CPHXL2: variants seen among roughly 807,000 people sequenced by gnomAD.
CPHXL2 encodes cytoplasmic polyadenylated homeobox like 2.
chr16:75,660,555 C>G, the CPHXL2 span: 2,526 of 398,562 alleles, frequency 6.3e-3, 67 homozygotes, highest in African/African-American at 0.048. Context: ...CAACATCATC[C>G]CCTCTGAGTA....
chr16:75,667,473 C>T, the CPHXL2 span, among the ~76,000 whole-genome samples: 1 of 152,036 alleles, frequency 6.6e-6, no homozygotes, highest in Admixed American at 6.6e-5. Flanking sequence ...TGCACTATTA[C>T]AGAACACAGA....
At chr16:75,676,421 T>C in the CPHXL2 span, among the ~76,000 whole-genome samples, 5 of 152,220 alleles carry the variant, frequency 3.3e-5, no homozygotes, top group African/African-American at 1.2e-4. Context: ...ACTCTTGGGC[T>C]CAGATGATCC....
At chr16:75,672,098 C>G in the CPHXL2 span, among the ~76,000 whole-genome samples, 4 of 148,466 alleles carry the variant, frequency 2.7e-5, no homozygotes, top group Admixed American at 7.0e-5. Context: ...ATGGTGAAAC[C>G]GTCTCTACTA....
chr16:75,671,294 A>T, the CPHXL2 span, among the ~76,000 whole-genome samples: 1 of 147,830 alleles, frequency 6.8e-6, no homozygotes, highest in African/African-American at 2.5e-5. Context: ...TGGGGAAGGC[A>T]GGGGCTGCAG....
chr16:75,665,398 G>A, the CPHXL2 span, among the ~76,000 whole-genome samples: 1 of 152,206 alleles, frequency 6.6e-6, no homozygotes, highest in Non-Finnish European at 1.5e-5. Flanking sequence ...CATCATAAAT[G>A]AAGAAAAGAT....
At chr16:75,669,319 A>G in the CPHXL2 span, 1 of 399,464 alleles carries the variant, frequency 2.5e-6, no homozygotes, top group Non-Finnish European at 4.4e-6. Context: ...CTTTCCTAAA[A>G]AAAAAAAAAA....
the CPHXL2 span, among the ~76,000 whole-genome samples, chr16:75,672,193 C>T: frequency 2.6e-5 from 4 of 151,254 alleles, no homozygotes; most frequent in East Asian, 5.8e-4. Context: ...GCAGGAGAAT[C>T]GCTTGAAACT....
the CPHXL2 span, chr16:75,660,357 C>G: frequency 7.5e-6 from 3 of 398,496 alleles, no homozygotes; most frequent in Non-Finnish European, 1.3e-5. Context: ...GCTTGAAGCC[C>G]CTACCTGCAT....
the CPHXL2 span, among the ~76,000 whole-genome samples, chr16:75,675,333 T>C: frequency 6.6e-6 from 1 of 151,580 alleles, no homozygotes; most frequent in East Asian, 1.9e-4. Context: ...TGATATTATA[T>C]TTAATTATGT....
At chr16:75,663,622 G>A in the CPHXL2 span, among the ~76,000 whole-genome samples, 1 of 152,104 alleles carries the variant, frequency 6.6e-6, no homozygotes, top group South Asian at 2.1e-4. Context: ...GGTGGCTCAC[G>A]CCTGTAATCC....
chr16:75,660,376 C>G, the CPHXL2 span: 1 of 398,532 alleles, frequency 2.5e-6, no homozygotes, highest in African/African-American at 2.1e-5. Flanking sequence ...ATATCTTGCC[C>G]CAGAGGCAGC....
chr16:75,661,495 G>A, the CPHXL2 span, among the ~76,000 whole-genome samples: 1 of 151,752 alleles, frequency 6.6e-6, no homozygotes, highest in Admixed American at 6.6e-5. Flanking sequence ...GTGACACCAT[G>A]GTTTACGTGT....
chr16:75,669,706 T>C, the CPHXL2 span: 1 of 393,530 alleles, frequency 2.5e-6, no homozygotes, highest in East Asian at 3.6e-5. Flanking sequence ...AAATTACACA[T>C]GAAAGCAGGA....
At chr16:75,664,391 C>T in the CPHXL2 span, among the ~76,000 whole-genome samples, 791 of 152,092 alleles carry the variant, frequency 5.2e-3, 8 homozygotes, top group African/African-American at 0.018. Flanking sequence ...TTTTGGAGGC[C>T]GAGGTGGGCA....
the CPHXL2 span, chr16:75,661,175 G>A: frequency 9.2e-5 from 37 of 400,656 alleles, no homozygotes; most frequent in Admixed American, 1.8e-4. Context: ...CTGGGAAATC[G>A]TGTTTTTTCC....
At chr16:75,663,885 CA>C in the CPHXL2 span, among the ~76,000 whole-genome samples, 198 of 85,504 alleles carry the variant, frequency 2.3e-3, no homozygotes, top group Middle Eastern at 6.6e-3. Flanking sequence ...GACTCTGTCT[CA>C]AAAAAAAAAA....
the CPHXL2 span, among the ~76,000 whole-genome samples, chr16:75,667,830 A>T: frequency 2.0e-5 from 3 of 152,346 alleles, no homozygotes; most frequent in African/African-American, 7.2e-5. Context: ...GATTTCTCTG[A>T]CACACCTGCC....
the CPHXL2 span, among the ~76,000 whole-genome samples, chr16:75,663,928 G>C: frequency 1.4e-5 from 2 of 145,584 alleles, no homozygotes; most frequent in African/African-American, 5.5e-5. Flanking sequence ...TACTCTTCAA[G>C]TCTGATAAGA....
chr16:75,666,407 G>A, the CPHXL2 span, among the ~76,000 whole-genome samples: 1 of 152,004 alleles, frequency 6.6e-6, no homozygotes, highest in Non-Finnish European at 1.5e-5. Context: ...ATCACCTGAG[G>A]TCAGGAGTTC....
Sources: gnomAD v4.1 joint callset for allele counts (sites outside exome capture counted in the v4.1 genomes callset) on GRCh38, gnomAD v4.1.1 for gene constraint, MANE v1.5 for transcripts, NCBI Gene and HGNC (gene_info 2026-07-23, HGNC 2026-07-21) for gene names.